The following SEMA3A variants were observed in gnomAD, a reference collection of about 807,000 sequenced individuals.
SEMA3A encodes the protein semaphorin-3A.
In SEMA3A, 29 loss-of-function variants were observed where a neutral mutation model predicts 97.9. The observed-to-expected ratio is 0.30, with a 90% CI of 0.22 to 0.40. The LOEUF (loss-of-function observed/expected upper bound fraction) is 0.40. Ranked by LOEUF, SEMA3A falls within the 10% of genes least tolerant of loss-of-function variation. The pLI is 1.00. For missense variants in SEMA3A, 763 were observed against 951.3 expected (o/e 0.80, Z 2.60); for synonymous variants, 321 against 323.7 (o/e 0.99, Z 0.09).
intron 3 of SEMA3A, among the ~76,000 whole-genome samples, chr7:84,211,559 T>C (rs1584130020): frequency 6.7e-6 from 1 of 149,760 alleles, no homozygotes; most frequent in Non-Finnish European, 1.5e-5. Context: ...AAGGTGGAGG[T>C]TGCATTGAGC....
chr7:84,076,979 C>T (rs190085393), intron 4 of SEMA3A, among the ~76,000 whole-genome samples: 44 of 152,198 alleles, frequency 2.9e-4, no homozygotes, highest in Non-Finnish European at 4.6e-4. Flanking sequence ...TGTAGATTAT[C>T]TTTTTAATAG....
intron 1 of SEMA3A, among the ~76,000 whole-genome samples, chr7:84,181,743 G>A (rs34183115): frequency 0.063 from 9,644 of 152,084 alleles, 355 homozygotes; most frequent in African/African-American, 0.094. Flanking sequence ...ATTTATAACC[G>A]CAGACAGTCT....
chr7:84,047,686 A>G (rs1355798553), intron 5 of SEMA3A, among the ~76,000 whole-genome samples: 1 of 152,098 alleles, frequency 6.6e-6, no homozygotes, highest in East Asian at 1.9e-4. Context: ...CATGACAACT[A>G]CAGTATATCT....
At chr7:84,306,965 G>T (rs192867366) in intron 3 of SEMA3A, among the ~76,000 whole-genome samples, 2 of 151,916 alleles carry the variant, frequency 1.3e-5, no homozygotes, top group East Asian at 3.9e-4. Context: ...AAACCAAAAT[G>T]GTAGCAATCC....
chr7:84,441,399 C>G (rs1389167052), intron 1 of SEMA3A, among the ~76,000 whole-genome samples: 1 of 150,022 alleles, frequency 6.7e-6, no homozygotes, highest in South Asian at 2.1e-4. Context: ...AATATAATAA[C>G]AGAAATGAAA....
chr7:84,371,042 T>C (rs1802962423), intron 2 of SEMA3A, among the ~76,000 whole-genome samples: 1 of 151,592 alleles, frequency 6.6e-6, no homozygotes, highest in Non-Finnish European at 1.5e-5. Flanking sequence ...AGGTAATATG[T>C]ATATCTACCC....
At chr7:84,203,399 T>C (rs1385482280) in intron 3 of SEMA3A, among the ~76,000 whole-genome samples, 1 of 149,924 alleles carries the variant, frequency 6.7e-6, no homozygotes, top group Admixed American at 6.7e-5. Flanking sequence ...TATTAATTAA[T>C]GGATTAATTA....
At chr7:84,451,871 T>C (rs1805564561) in intron 1 of SEMA3A, among the ~76,000 whole-genome samples, 1 of 152,166 alleles carries the variant, frequency 6.6e-6, no homozygotes, top group Non-Finnish European at 1.5e-5. Flanking sequence ...TGGAATCCAG[T>C]ATTTTTGTTT....
intron 13 of SEMA3A, among the ~76,000 whole-genome samples, chr7:83,983,284 T>A (rs1329104188): frequency 6.6e-6 from 1 of 151,910 alleles, no homozygotes; most frequent in Admixed American, 6.6e-5. Context: ...ACTCCTTTTT[T>A]AAAATGAACT....
intron 4 of SEMA3A, among the ~76,000 whole-genome samples, chr7:84,086,990 CA>C (rs1197491817): frequency 6.6e-6 from 1 of 152,088 alleles, no homozygotes; most frequent in African/African-American, 2.4e-5. Flanking sequence ...TAATCCCAGT[CA>C]TCAAATTTGT....
intron 1 of SEMA3A, among the ~76,000 whole-genome samples, chr7:84,141,299 C>T (rs1796284350): frequency 6.6e-6 from 1 of 152,162 alleles, no homozygotes; most frequent in Admixed American, 6.6e-5. Context: ...TCTCTCCAGC[C>T]TGTGCCAGAG....
chr7:84,050,856 G>A (rs28893221), intron 5 of SEMA3A, among the ~76,000 whole-genome samples: 83,457 of 150,698 alleles, frequency 0.55, 25,039 homozygotes, highest in Non-Finnish European at 0.67. Context: ...AAACGTTTAA[G>A]TCTTTAATCC....
chr7:84,294,538 A>G (rs1341606543), intron 3 of SEMA3A, among the ~76,000 whole-genome samples: 1 of 152,092 alleles, frequency 6.6e-6, no homozygotes, highest in Non-Finnish European at 1.5e-5. Flanking sequence ...TGAAGGCTAA[A>G]TGAAGACTGA....
chr7:84,289,388 A>T (rs767174223), intron 3 of SEMA3A, among the ~76,000 whole-genome samples: 7 of 152,106 alleles, frequency 4.6e-5, no homozygotes, highest in Non-Finnish European at 7.4e-5. Context: ...CAACATAAAG[A>T]AATGATAACT....
chr7:84,060,354 T>C, intron 5 of SEMA3A, 111 bp downstream of exon 5: 1 of 732,084 alleles, frequency 1.4e-6, no homozygotes, highest in African/African-American at 1.8e-5. Context: ...CTAATGTCCT[T>C]CTAAAACAAT....
In SEMA3A at chr7:83,961,617, T is replaced by G; in HGVS notation, c.2070A>C (p.Glu690Asp). 1.2e-6 allele frequency: 2 copies of G among 1,614,100 alleles called. No homozygotes were observed. The change falls in exon 17 of 17, where the codon GAA (glutamate) becomes GAC (aspartate). Residue 690 changes from glutamate (E) to aspartate (D), a missense_variant. Physicochemically the swap from Glu to Asp is conservative, Grantham distance 45. Coordinates refer to ENST00000265362, the MANE Select transcript of SEMA3A (RefSeq NM_006080.3). ...GGCTAGGTGTCATGCTATTGGACATTTCTTTGGTCTTAGAGCCATCTCCAT... is the reference window on the plus strand; with the variant it reads ...GGCTAGGTGTCATGCTATTGGACATGTCTTTGGTCTTAGAGCCATCTCCAT... ...DDDGDGSKTK[E>D]MSNSMTPSQK...
chr7:83,963,183 C>G (rs1325109255), intron 16 of SEMA3A, 22 bp downstream of exon 16: 1 of 1,609,916 alleles, frequency 6.2e-7, no homozygotes, highest in Admixed American at 1.7e-5. Context: ...TATAAATGAT[C>G]CAGTCAGTTT....
intron 1 of SEMA3A, among the ~76,000 whole-genome samples, chr7:84,467,237 C>T (rs1412589082): frequency 1.3e-5 from 2 of 151,784 alleles, no homozygotes; most frequent in Admixed American, 6.6e-5. Context: ...GAAATCAATT[C>T]CAGGGCCGGG....
intron 3 of SEMA3A, among the ~76,000 whole-genome samples, chr7:84,255,100 G>A (rs1225092244): frequency 3.9e-5 from 6 of 152,050 alleles, no homozygotes; most frequent in Non-Finnish European, 5.9e-5. Flanking sequence ...TGAAGCACTC[G>A]GGGACATTAC....
Sources: gnomAD v4.1 joint callset for allele counts (sites outside exome capture counted in the v4.1 genomes callset) on GRCh38, gnomAD v4.1.1 for gene constraint, MANE v1.5 for transcripts, NCBI Gene and HGNC (gene_info 2026-07-23, HGNC 2026-07-21) for gene names.